Variants in POU6F2 observed in about 807,000 individuals in gnomAD.
The protein encoded by POU6F2 is POU domain, class 6, transcription factor 2.
In POU6F2, 31 loss-of-function variants were observed where a neutral mutation model predicts 71.3. The ratio of observed to expected loss-of-function variants is 0.43; its 90% CI spans 0.33 to 0.59. POU6F2 has a LOEUF of 0.59. Among genes scored for constraint, POU6F2 ranks in the 20% least tolerant of loss-of-function variants. POU6F2 has a pLI of 0.04. For synonymous variants in POU6F2, 347 were observed against 355.7 expected (o/e 0.98, Z 0.27); for missense variants, 783 against 856.8 (o/e 0.91, Z 1.07).
At chr7:39,127,172 A>G (rs1304970742) in intron 2 of POU6F2, among the ~76,000 whole-genome samples, 1 of 152,234 alleles carries the variant, frequency 6.6e-6, no homozygotes, top group Non-Finnish European at 1.5e-5. Flanking sequence ...GAAATCCAGT[A>G]TGTAGTTTAC....
At chr7:39,091,421 C>T (rs147380908) in intron 2 of POU6F2, among the ~76,000 whole-genome samples, 71 of 152,264 alleles carry the variant, frequency 4.7e-4, no homozygotes, top group African/African-American at 1.6e-3. Context: ...AGTCAAAATA[C>T]TGATATGGTT....
At chr7:39,458,835 C>T (rs775651939) in intron 8 of POU6F2, among the ~76,000 whole-genome samples, 3 of 152,142 alleles carry the variant, frequency 2.0e-5, no homozygotes, top group Non-Finnish European at 4.4e-5. Flanking sequence ...GTGCCCTGCT[C>T]CTCCCTGCAT....
intron 2 of POU6F2, among the ~76,000 whole-genome samples, chr7:39,163,799 T>G (rs1793050257): frequency 6.6e-6 from 1 of 152,124 alleles, no homozygotes; most frequent in Admixed American, 6.6e-5. Flanking sequence ...AAAGAAAATG[T>G]GGTACAGATA....
At chr7:39,286,083 T>C (rs1264068349) in intron 4 of POU6F2, among the ~76,000 whole-genome samples, 1 of 152,116 alleles carries the variant, frequency 6.6e-6, no homozygotes, top group African/African-American at 2.4e-5. Context: ...GACCAAACAG[T>C]TTTTTCTTTT....
intron 2 of POU6F2, among the ~76,000 whole-genome samples, chr7:39,123,778 G>GTT (rs557926300): frequency 1.4e-5 from 2 of 144,992 alleles, no homozygotes; most frequent in Admixed American, 1.4e-4. Context: ...CTGATCTTTG[G>GTT]TTTTTTTTTT....
intron 1 of POU6F2, among the ~76,000 whole-genome samples, chr7:38,982,479 A>G (rs1655925555): frequency 6.6e-6 from 1 of 152,132 alleles, no homozygotes; most frequent in Non-Finnish European, 1.5e-5. Flanking sequence ...TTATTGACCT[A>G]AAAAACTTCA....
intron 1 of POU6F2, among the ~76,000 whole-genome samples, chr7:39,075,400 G>C (rs1488952072): frequency 6.6e-6 from 1 of 152,092 alleles, no homozygotes; most frequent in African/African-American, 2.4e-5. Context: ...TGTCAGCAGG[G>C]GGCAGGATGG....
At position 39,272,505 on chromosome 7, in the gene POU6F2, T is replaced by G. The variant is rs556618515; in HGVS notation, c.598+64885T>G. Reference sequence around the variant, plus strand: ...TAATAGGAGCCCAATAAATAAATGTTAGCTGAAAAAAAACAAAAACACCTA... The same window carrying G: ...TAATAGGAGCCCAATAAATAAATGTGAGCTGAAAAAAAACAAAAACACCTA... On this transcript the variant is annotated intron_variant, in intron 4 of 9. Transcript: ENST00000518318. 3.7e-3 allele frequency among the ~76,000 whole-genome samples: 571 copies of G among 152,300 alleles called. 5 individuals carry two copies. The highest frequency in any genetic ancestry group is 0.012 in the African/African-American group (516 of 41,554).
chr7:39,050,327 G>T (rs1284324369), intron 1 of POU6F2, among the ~76,000 whole-genome samples: 2 of 152,054 alleles, frequency 1.3e-5, no homozygotes, highest in Admixed American at 1.3e-4. Context: ...CCGCTGAGTT[G>T]ATGGGTCTCT....
At chr7:39,406,542 C>A in intron 5 of POU6F2, 58 bp from the exon 6 acceptor site, 1 of 1,582,446 alleles carries the variant, frequency 6.3e-7, no homozygotes, top group Non-Finnish European at 8.6e-7. Context: ...ATGTTGTGTC[C>A]GTGTGCTGTG....
intron 1 of POU6F2, chr7:39,006,965 A>G (rs902754468): frequency 1.8e-5 from 23 of 1,275,608 alleles, no homozygotes; most frequent in Admixed American, 1.0e-4. Flanking sequence ...AATAATTGTC[A>G]TGTTTCCTTG....
chr7:39,302,025 G>A (rs980257760), intron 4 of POU6F2, among the ~76,000 whole-genome samples: 1 of 152,060 alleles, frequency 6.6e-6, no homozygotes, highest in Non-Finnish European at 1.5e-5. Context: ...CCCCCTTTAA[G>A]CAGTTACAAC....
chr7:39,289,878 C>T (rs1471631957), intron 4 of POU6F2, among the ~76,000 whole-genome samples: 2 of 152,126 alleles, frequency 1.3e-5, no homozygotes, highest in African/African-American at 4.8e-5. Flanking sequence ...CGTGTTCCTC[C>T]TCACAGTTGC....
At chr7:39,080,364 C>T (rs1584532251) in intron 1 of POU6F2, among the ~76,000 whole-genome samples, 1 of 146,690 alleles carries the variant, frequency 6.8e-6, no homozygotes, top group Non-Finnish European at 1.5e-5. Context: ...GTTTCTTCCT[C>T]TTAATTCTTT....
At chr7:39,210,616 G>A (rs1794122276) in intron 4 of POU6F2, among the ~76,000 whole-genome samples, 1 of 152,096 alleles carries the variant, frequency 6.6e-6, no homozygotes, top group African/African-American at 2.4e-5. Context: ...TACACTGAGA[G>A]CAGCTCTTCT....
chr7:39,425,295 T>A (rs1442015332), intron 6 of POU6F2, among the ~76,000 whole-genome samples: 1 of 151,804 alleles, frequency 6.6e-6, no homozygotes, highest in Non-Finnish European at 1.5e-5. Flanking sequence ...GTTTGGGAGT[T>A]TGGTATTTAA....
chr7:39,325,928 G>A (rs542174289), intron 4 of POU6F2, among the ~76,000 whole-genome samples: 3 of 152,132 alleles, frequency 2.0e-5, no homozygotes, highest in South Asian at 2.1e-4. Flanking sequence ...ACCCCATACC[G>A]GTAGCATAAT....
intron 1 of POU6F2, among the ~76,000 whole-genome samples, chr7:39,033,776 C>A (rs935589040): frequency 1.3e-5 from 2 of 152,192 alleles, no homozygotes; most frequent in African/African-American, 4.8e-5. Flanking sequence ...CAGGCAGTAA[C>A]AATCTTTCAT....
chr7:39,018,613 T>C (rs1413040164), intron 1 of POU6F2, among the ~76,000 whole-genome samples: 2 of 152,164 alleles, frequency 1.3e-5, no homozygotes, highest in African/African-American at 4.8e-5. Flanking sequence ...TGGAATCACA[T>C]AGGGGATTGT....
Sources: gnomAD v4.1 joint callset for allele counts (sites outside exome capture counted in the v4.1 genomes callset) on GRCh38, gnomAD v4.1.1 for gene constraint, MANE v1.5 for transcripts, NCBI Gene and HGNC (gene_info 2026-07-23, HGNC 2026-07-21) for gene names.